SLA: variants seen among roughly 807,000 people sequenced by gnomAD.
SLA encodes the protein Src like adaptor.
Under a neutral mutation model 30.3 loss-of-function variants are expected in SLA, and 16 were observed. The observed-to-expected ratio is 0.53, with a 90% CI of 0.36 to 0.80. The LOEUF (loss-of-function observed/expected upper bound fraction) is 0.80, where lower values mean the gene tolerates loss of function less well. Among genes scored for constraint, SLA ranks in the 30% least tolerant of loss-of-function variants. The probability of loss-of-function intolerance (pLI) is 0.01; values close to 1 mark genes in which losing one functional copy is unlikely to be tolerated. For missense variants in SLA, 310 were observed against 345.2 expected (o/e 0.90, Z 0.81); for synonymous variants, 143 against 137.8 (o/e 1.04, Z -0.26).
intron 1 of SLA, among the ~76,000 whole-genome samples, chr8:133,098,254 TAGTA>T (rs1415781525): frequency 6.6e-6 from 1 of 152,204 alleles, no homozygotes; most frequent in Non-Finnish European, 1.5e-5. Context: ...AGTTAAGAAA[TAGTA>T]AGTTTAGTTA....
At chr8:133,059,705 G>A (rs1476446721) in intron 3 of SLA, among the ~76,000 whole-genome samples, 1 of 152,184 alleles carries the variant, frequency 6.6e-6, no homozygotes, top group African/African-American at 2.4e-5. Flanking sequence ...TATATTATGG[G>A]CTGCCAGAGT....
chr8:133,055,124 C>G (rs1355636259), intron 3 of SLA, among the ~76,000 whole-genome samples: 2 of 152,128 alleles, frequency 1.3e-5, no homozygotes, highest in African/African-American at 2.4e-5. Context: ...GGCACTTAAT[C>G]TTCAAGCTCT....
At chr8:133,075,997 C>T (rs769898120) in intron 1 of SLA, 2 of 152,126 alleles carry the variant, frequency 1.3e-5, no homozygotes, top group East Asian at 1.9e-4. Context: ...CATATAAAAT[C>T]TCCCTACTTA....
chr8:133,040,751 AGAG>A (rs774559106), intron 7 of SLA, among the ~76,000 whole-genome samples: 2 of 152,146 alleles, frequency 1.3e-5, no homozygotes, highest in African/African-American at 2.4e-5. Flanking sequence ...AGAAGGAGGA[AGAG>A]GAGGAGGTGA....
At chr8:133,094,364 C>A (rs542755384) in intron 1 of SLA, among the ~76,000 whole-genome samples, 1 of 151,752 alleles carries the variant, frequency 6.6e-6, no homozygotes, top group Admixed American at 6.6e-5. Flanking sequence ...CCTCAGCCTC[C>A]CAAGTAGCAG....
chr8:133,043,509 G>A (rs1045948320), intron 7 of SLA, among the ~76,000 whole-genome samples: 5 of 152,152 alleles, frequency 3.3e-5, no homozygotes, highest in Admixed American at 6.5e-5. Flanking sequence ...CATCTGCTAT[G>A]TGACAGGCTA....
chr8:133,062,427 C>T (rs1302231383), intron 2 of SLA, among the ~76,000 whole-genome samples: 3 of 152,256 alleles, frequency 2.0e-5, no homozygotes, highest in Non-Finnish European at 4.4e-5. Context: ...TGGCGTGACT[C>T]CAACCCACAT....
Position 133,050,849 on chromosome 8 carries a change from A to G in SLA, c.128T>C (p.Phe43Ser). The G allele has an allele frequency of 6.2e-7, 1 of 1,613,306 alleles. No homozygotes were observed. The highest frequency in any genetic ancestry group is 8.5e-7 in the Non-Finnish European group (1 of 1,179,254). ...CACACGCAGTTTCTCCCCTCGGCGG[A>G]ATATCGGGGGGCTGATGTCAGGAGA... ...YPSPDISPPI[F>S]RRGEKLRVIS... Residue 43 changes from phenylalanine to serine, a missense_variant, in exon 4 of 9, where the codon TTC (phenylalanine) becomes TCC (serine). Physicochemically the swap from Phe to Ser is radical, Grantham distance 155. Coordinates refer to ENST00000338087, the MANE Select transcript of SLA (RefSeq NM_001045556.3).
intron 1 of SLA, 148 bp downstream of exon 1, chr8:133,102,405 G>T: frequency 1.5e-6 from 1 of 658,140 alleles, no homozygotes; most frequent in Non-Finnish European, 2.7e-6. Flanking sequence ...CTCACCACCA[G>T]CAGAGACCCA....
rs749594232 is a variant in SLA, at chr8:133,038,578, A to T, written c.777T>A (p.Gly259=). The change falls in exon 9 of 9, where the codon GGT becomes GGA. Residue 259 remains glycine (G), a synonymous_variant. Transcript: ENST00000338087. ...AGAATGAGCTCTTTCTCTTGCTGCCACCATACATCAGGGAGATGCTTTTCT... is the reference window on the plus strand; with the variant it reads ...AGAATGAGCTCTTTCTCTTGCTGCCTCCATACATCAGGGAGATGCTTTTCT... ...RKKKSISLMY[G]GSKRKSSFFS... 2 of 1,614,020 alleles carry T rather than the reference A, an allele frequency of 1.2e-6. No individual in the cohort carries two copies. The highest frequency in any genetic ancestry group is 2.7e-5 in the African/African-American group (2 of 74,910).
intron 1 of SLA, among the ~76,000 whole-genome samples, chr8:133,100,045 A>C (rs1849011578): frequency 6.6e-6 from 1 of 152,192 alleles, no homozygotes; most frequent in South Asian, 2.1e-4. Context: ...TCTTCTATGA[A>C]CTGCCAGAGC....
chr8:133,086,661 T>A (rs1682813981), intron 1 of SLA, among the ~76,000 whole-genome samples: 1 of 152,220 alleles, frequency 6.6e-6, no homozygotes, highest in Admixed American at 6.5e-5. Flanking sequence ...GTCTGTAACA[T>A]CATAAAACCT....
At chr8:133,068,781 A>T (rs1002184714) in intron 2 of SLA, among the ~76,000 whole-genome samples, 1 of 152,228 alleles carries the variant, frequency 6.6e-6, no homozygotes, top group Non-Finnish European at 1.5e-5. Context: ...CATGGAAATA[A>T]AAAGAGCCCA....
At chr8:133,084,128 C>T (rs1846148390) in intron 1 of SLA, among the ~76,000 whole-genome samples, 1 of 152,036 alleles carries the variant, frequency 6.6e-6, no homozygotes, top group Admixed American at 6.5e-5. Context: ...CAAGAGCTGG[C>T]CCATGGCATT....
chr8:133,092,680 G>A lies in SLA; in HGVS notation c.-319+9873C>T, dbSNP rs974216939. 9.9e-5 allele frequency among the ~76,000 whole-genome samples: 15 copies of A among 152,266 alleles called. No individual in the cohort carries two copies. The East Asian group carries it at 2.9e-3, about 29-fold the overall frequency. On this transcript the variant is annotated intron_variant, in intron 1 of 8. Coordinates refer to ENST00000338087, the MANE Select transcript of SLA (RefSeq NM_001045556.3). Reference sequence around the variant, plus strand: ...CACTTCATCAGGGAGTGACACAGCTGGGGTTCAAACCGAGCCCTTCTGCCC... The same window carrying A: ...CACTTCATCAGGGAGTGACACAGCTAGGGTTCAAACCGAGCCCTTCTGCCC...
In SLA at chr8:133,072,267, G is replaced by T. The variant is rs539105942; in HGVS notation, c.-41+2586C>A. ...ACCCCTAAAATTGCTGTCTTAGCTAGAATTACCATAATCAAATTGCCTCCT... is the reference window on the plus strand; with the variant it reads ...ACCCCTAAAATTGCTGTCTTAGCTATAATTACCATAATCAAATTGCCTCCT... On this transcript the variant is annotated intron_variant, in intron 2 of 8. Coordinates refer to ENST00000338087, the MANE Select transcript of SLA (RefSeq NM_001045556.3). Among the ~76,000 whole-genome samples, 506 of 152,330 alleles carry T rather than the reference G, an allele frequency of 3.3e-3. 3 individuals carry two copies. The highest frequency in any genetic ancestry group is 0.012 in the African/African-American group (482 of 41,576).
chr8:133,081,619 C>T (rs1297243559), intron 1 of SLA, among the ~76,000 whole-genome samples: 2 of 152,194 alleles, frequency 1.3e-5, no homozygotes, highest in Non-Finnish European at 2.9e-5. Context: ...ATGTCCACCA[C>T]AACTGTCTGC....
intron 6 of SLA, among the ~76,000 whole-genome samples, chr8:133,045,646 C>T (rs1233296799): frequency 6.6e-6 from 1 of 152,096 alleles, no homozygotes; most frequent in African/African-American, 2.4e-5. Context: ...CCGCCCACCT[C>T]GGCCTCCCAA....
rs572769561 is a variant in SLA, at chr8:133,100,883, A to C, written c.-319+1670T>G. 4.5e-3 allele frequency among the ~76,000 whole-genome samples: 683 copies of C among 152,344 alleles called. 4 individuals are homozygous for C. Among genetic ancestry groups the C allele is most frequent in the African/African-American group, 0.016 (647 of 41,568 alleles). On this transcript the variant is annotated intron_variant, in intron 1 of 8. Coordinates refer to ENST00000338087, the MANE Select transcript of SLA (RefSeq NM_001045556.3). ...TAGCCTTAGGGGTTAGCCTAAGTGAAGTAACTCATGCTCTTACTTTACGTT... is the reference window on the plus strand; with the variant it reads ...TAGCCTTAGGGGTTAGCCTAAGTGACGTAACTCATGCTCTTACTTTACGTT...
Sources: allele counts gnomAD v4.1 joint callset (sites outside exome capture counted in the v4.1 genomes callset), GRCh38; gene constraint gnomAD v4.1.1; transcripts MANE v1.5; gene names NCBI Gene and HGNC (gene_info 2026-07-23, HGNC 2026-07-21).